Variants in NFILZ observed in about 807,000 individuals in gnomAD.
NFILZ encodes the protein NFIL3 like protein.
At chr19:8,660,729 C>T (rs1480522289) in intron 3 of NFILZ, among the ~76,000 whole-genome samples, 3 of 151,398 alleles carry the variant, frequency 2.0e-5, no homozygotes, top group Admixed American at 2.0e-4. Context: ...GCTCCACCTC[C>T]CAGGTTCAAG....
intron 3 of NFILZ, among the ~76,000 whole-genome samples, chr19:8,641,829 CTT>C (rs3040050): frequency 0.14 from 21,139 of 147,758 alleles, 1,582 homozygotes; most frequent in Non-Finnish European, 0.17. Context: ...TAAATGATAG[CTT>C]TTTTTTTTTT....
chr19:8,646,754 C>T (rs1213448507), intron 3 of NFILZ, among the ~76,000 whole-genome samples: 5 of 152,176 alleles, frequency 3.3e-5, no homozygotes, highest in African/African-American at 4.8e-5. Flanking sequence ...ATTTGCCAAA[C>T]ACCTCAGGAC....
At chr19:8,637,912 C>CAAAAAAAAAAAAAAAAAAAAAAAAA (rs35778716) in intron 3 of NFILZ, among the ~76,000 whole-genome samples, 2 of 20,270 alleles carry the variant, frequency 9.9e-5, no homozygotes, top group Non-Finnish European at 1.8e-4. Context: ...AAGATGGTCT[C>CAAAAAAAAAAAAAAAAAAAAAAAAA]AAAAAAAAAA....
intron 3 of NFILZ, among the ~76,000 whole-genome samples, chr19:8,645,666 C>G (rs1293223437): frequency 2.0e-5 from 3 of 152,048 alleles, no homozygotes; most frequent in Non-Finnish European, 4.4e-5. Context: ...TCGAGCTGGC[C>G]CTAGAGGGTG....
At chr19:8,641,264 C>T (rs1391882096) in intron 3 of NFILZ, among the ~76,000 whole-genome samples, 3 of 151,786 alleles carry the variant, frequency 2.0e-5, no homozygotes, top group Non-Finnish European at 4.4e-5. Flanking sequence ...GTTGCTCAGG[C>T]TGGTCTTGAA....
chr19:8,642,943 G>A (rs547728137), intron 3 of NFILZ, among the ~76,000 whole-genome samples: 53 of 119,952 alleles, frequency 4.4e-4, no homozygotes, highest in Non-Finnish European at 5.4e-4. Context: ...CAACTTAAAG[G>A]ATTTTGACTC....
At chr19:8,663,758 G>GTA (rs1555749464) in intron 3 of NFILZ, among the ~76,000 whole-genome samples, 29 of 148,536 alleles carry the variant, frequency 2.0e-4, no homozygotes, top group Middle Eastern at 7.2e-3. Context: ...GTGTGTGTGT[G>GTA]TGTGTGTGTG....
chr19:8,656,059 T>C lies in NFILZ; in HGVS notation c.-163-18492T>C, dbSNP rs142901420. Among the ~76,000 whole-genome samples, 35 of 152,122 alleles carry C rather than the reference T, an allele frequency of 2.3e-4. No individual in the cohort carries two copies. In the East Asian group the frequency reaches 6.2e-3, roughly 27 times the overall value. On this transcript the variant is annotated intron_variant, in intron 3 of 5. Coordinates refer to ENST00000691075, the MANE Select transcript of NFILZ (RefSeq NM_001378600.1). ...GGTTCTCTTCCTCATTGGCTTACTCTGACCCGGTCCCTAAGGGGGACCACC... is the reference window on the plus strand; with the variant it reads ...GGTTCTCTTCCTCATTGGCTTACTCCGACCCGGTCCCTAAGGGGGACCACC...
intron 3 of NFILZ, among the ~76,000 whole-genome samples, chr19:8,656,499 C>CCCCCTTCTTCCTGA (rs2043003710): frequency 6.1e-5 from 2 of 32,812 alleles, no homozygotes; most frequent in African/African-American, 1.7e-4. Context: ...CCTTCTCCCG[C>CCCCCTTCTTCCTGA]AGCCCACCTT....
Position 8,656,421 on chromosome 19 carries a change from TCTTTCCGCAGCCCACCTTCTCCTC to T in NFILZ, c.-163-18129_-163-18106del, listed in dbSNP as rs1600147593. Among the ~76,000 whole-genome samples the T allele has an allele frequency of 5.1e-3, 478 of 93,042 alleles. 10 individuals carry two copies. Among genetic ancestry groups the T allele is most frequent in the East Asian group, 0.021 (60 of 2,876 alleles). 61.0% of individuals were successfully genotyped at this position (93,042 alleles called of 152,430 possible). ...GCCCACCTTCTCTCTGAAACCCACC[TCTTTCCGCAGCCCACCTTCTCCTC>T]GAAGCCCACCTTCTCTCTGAAGCCC... On this transcript the variant is annotated intron_variant, in intron 3 of 5. Transcript: ENST00000691075.
chr19:8,663,738 G>GCA (rs1237343319), intron 3 of NFILZ, among the ~76,000 whole-genome samples: 2 of 23,924 alleles, frequency 8.4e-5, no homozygotes, highest in Non-Finnish European at 1.7e-4. Flanking sequence ...GTGTGTGTGT[G>GCA]TGTGTGTGTG....
intron 3 of NFILZ, among the ~76,000 whole-genome samples, chr19:8,656,284 CCCCACAGCCCA>C (rs2042994025): frequency 2.0e-5 from 1 of 50,924 alleles, no homozygotes; most frequent in African/African-American, 4.7e-5. Context: ...CCCACCTTCT[CCCCACAGCCCA>C]CCTCCTCCCG....
At chr19:8,636,250 C>A (rs2042893943) in intron 3 of NFILZ, among the ~76,000 whole-genome samples, 1 of 151,012 alleles carries the variant, frequency 6.6e-6, no homozygotes, top group Admixed American at 6.6e-5. Context: ...GAGTTCGAGA[C>A]CAGCCTGACC....
intron 3 of NFILZ, among the ~76,000 whole-genome samples, chr19:8,667,669 T>TC (rs2043068489): frequency 6.6e-6 from 1 of 152,148 alleles, no homozygotes; most frequent in Non-Finnish European, 1.5e-5. Context: ...TGCCTCAGCC[T>TC]CCCAAGTAGC....
intron 3 of NFILZ, among the ~76,000 whole-genome samples, chr19:8,658,019 G>T (rs939618489): frequency 2.0e-5 from 3 of 152,188 alleles, no homozygotes; most frequent in South Asian, 2.1e-4. Flanking sequence ...GAACAGAGAG[G>T]GTTACAGGCA....
At chr19:8,642,771 A>G (rs1347318658) in intron 3 of NFILZ, among the ~76,000 whole-genome samples, 2 of 152,028 alleles carry the variant, frequency 1.3e-5, no homozygotes, top group East Asian at 3.9e-4. Flanking sequence ...ATTGGCTAAA[A>G]CAAGCCATAT....
At position 8,653,622 on chromosome 19, in the gene NFILZ, T is replaced by C. The variant is rs138698678; in HGVS notation, c.-164+17876T>C. Among the ~76,000 whole-genome samples, 630 of 152,322 alleles carry C rather than the reference T, an allele frequency of 4.1e-3. 1 individual carries two copies. The highest frequency in any genetic ancestry group is 0.014 in the African/African-American group (583 of 41,566). On this transcript the variant is annotated intron_variant, in intron 3 of 5. Coordinates refer to ENST00000691075, the MANE Select transcript of NFILZ (RefSeq NM_001378600.1). ...ATAAAGAAAACGTGGTATATATACA[T>C]CATGGAATATTATTCAGCCATGAAA...
chr19:8,663,613 C>T (rs550438768), intron 3 of NFILZ, among the ~76,000 whole-genome samples: 2 of 151,856 alleles, frequency 1.3e-5, no homozygotes, highest in East Asian at 3.9e-4. Context: ...TGCTCGCGGG[C>T]GTTGGGAGGT....
chr19:8,649,648 T>G (rs1555747512), intron 3 of NFILZ, among the ~76,000 whole-genome samples: 1 of 152,114 alleles, frequency 6.6e-6, no homozygotes, highest in Non-Finnish European at 1.5e-5. Flanking sequence ...TTTACTGAAC[T>G]TTGGTTTTCT....
Sources: allele counts gnomAD v4.1 joint callset (sites outside exome capture counted in the v4.1 genomes callset), GRCh38; gene constraint gnomAD v4.1.1; transcripts MANE v1.5; gene names NCBI Gene and HGNC (gene_info 2026-07-23, HGNC 2026-07-21).